ABCA13: variants seen among roughly 807,000 people sequenced by gnomAD.
ABCA13 encodes the protein ATP binding cassette subfamily A member 13, also known as ATP-binding cassette sub-family A member 13.
In ABCA13, 476 loss-of-function variants were observed where a neutral mutation model predicts 478.7. The ratio of observed to expected loss-of-function variants is 0.99; its 90% CI spans 0.92 to 1.07. The LOEUF (loss-of-function observed/expected upper bound fraction) is 1.07. ABCA13 is among the 50% of genes least tolerant of loss of function. ABCA13 has a pLI of 0.00. For missense variants in ABCA13, 6,060 were observed against 5,910.6 expected, an observed-to-expected ratio of 1.03 and a Z score of -0.83; for synonymous variants, 2,252 against 2,158.9, an observed-to-expected ratio of 1.04 and a Z score of -1.20.
At chr7:48,381,114 C>G (rs1814302222) in intron 35 of ABCA13, among the ~76,000 whole-genome samples, 1 of 152,212 alleles carries the variant, frequency 6.6e-6, no homozygotes, top group Non-Finnish European at 1.5e-5. Context: ...CTGACTGACA[C>G]TGGTGCTTCC....
At chr7:48,191,697 C>T (rs1797130144) in intron 1 of ABCA13, among the ~76,000 whole-genome samples, 1 of 152,116 alleles carries the variant, frequency 6.6e-6, no homozygotes, top group Non-Finnish European at 1.5e-5. Context: ...TGTGAGCCAC[C>T]GTGCCCGGCC....
At chr7:48,220,336 C>T (rs1787184439) in intron 4 of ABCA13, among the ~76,000 whole-genome samples, 1 of 152,056 alleles carries the variant, frequency 6.6e-6, no homozygotes, top group African/African-American at 2.4e-5. Context: ...ATATGTATGT[C>T]CCAAGTGTTA....
chr7:48,633,845 C>A (rs1359534153), intron 59 of ABCA13, among the ~76,000 whole-genome samples: 3 of 151,992 alleles, frequency 2.0e-5, no homozygotes, highest in Non-Finnish European at 2.9e-5. Context: ...GCCAAGATTG[C>A]ACTGCTGCAC....
intron 42 of ABCA13, among the ~76,000 whole-genome samples, chr7:48,431,387 C>A (rs977451907): frequency 2.1e-5 from 3 of 142,514 alleles, no homozygotes; most frequent in African/African-American, 5.1e-5. Context: ...ACAACAACAA[C>A]AAATCTCTTT....
intron 15 of ABCA13, among the ~76,000 whole-genome samples, chr7:48,268,700 C>A (rs140175865): frequency 3.2e-4 from 49 of 152,074 alleles, no homozygotes; most frequent in African/African-American, 1.1e-3. Flanking sequence ...ATGGCCTGGA[C>A]TCCCTTAAAG....
chr7:48,617,012 TGACA>T (rs113663493), intron 59 of ABCA13, among the ~76,000 whole-genome samples: 7 of 152,276 alleles, frequency 4.6e-5, no homozygotes, highest in African/African-American at 1.7e-4. Flanking sequence ...CCAGCCTGCG[TGACA>T]GAGTCAGAAA....
chr7:48,570,234 C>T (rs1171305021), intron 55 of ABCA13, among the ~76,000 whole-genome samples: 1 of 148,760 alleles, frequency 6.7e-6, no homozygotes, highest in South Asian at 2.1e-4. Context: ...ACAATATTTT[C>T]TTCAAGTCTA....
At chr7:48,223,958 C>CAAA (rs1197606657) in intron 5 of ABCA13, among the ~76,000 whole-genome samples, 2 of 78,616 alleles carry the variant, frequency 2.5e-5, no homozygotes, top group African/African-American at 7.7e-5. Flanking sequence ...GACTCGGTCT[C>CAAA]AAAAAAAAAA....
intron 43 of ABCA13, among the ~76,000 whole-genome samples, chr7:48,464,108 G>T (rs1826603437): frequency 1.3e-5 from 2 of 152,182 alleles, no homozygotes; most frequent in South Asian, 4.1e-4. Context: ...AGAATCATAG[G>T]TAGTAATTTT....
intron 59 of ABCA13, among the ~76,000 whole-genome samples, chr7:48,628,633 G>A (rs990460044): frequency 6.6e-6 from 1 of 152,110 alleles, no homozygotes; most frequent in Non-Finnish European, 1.5e-5. Context: ...ATTAAATATA[G>A]CATTAATTTA....
At chr7:48,544,735 A>G (rs1784663723) in intron 55 of ABCA13, among the ~76,000 whole-genome samples, 1 of 151,860 alleles carries the variant, frequency 6.6e-6, no homozygotes, top group Non-Finnish European at 1.5e-5. Context: ...GAGCCATTCT[A>G]GCAAATTAAT....
At chr7:48,622,492 T>C (rs537648165) in intron 59 of ABCA13, among the ~76,000 whole-genome samples, 1 of 152,242 alleles carries the variant, frequency 6.6e-6, no homozygotes, top group African/African-American at 2.4e-5. Context: ...ATCTGTAGAG[T>C]GTGTCCTAAC....
chr7:48,303,099 A>AT (rs1187678704), intron 23 of ABCA13, among the ~76,000 whole-genome samples: 5 of 151,684 alleles, frequency 3.3e-5, no homozygotes, highest in African/African-American at 1.2e-4. Context: ...TAATATTGAG[A>AT]TTTTTTTCAT....
intron 15 of ABCA13, among the ~76,000 whole-genome samples, chr7:48,256,487 A>T (rs1470695428): frequency 1.3e-5 from 2 of 152,130 alleles, no homozygotes; most frequent in African/African-American, 2.4e-5. Flanking sequence ...GAGATGAGAA[A>T]GGGATCCAGC....
chr7:48,353,618 C>T (rs957385315), intron 31 of ABCA13, among the ~76,000 whole-genome samples: 13 of 151,692 alleles, frequency 8.6e-5, no homozygotes, highest in South Asian at 6.2e-4. Context: ...GCGACACACA[C>T]GTGAGGATAG....
chr7:48,422,971 T>C (rs919326834), intron 41 of ABCA13, among the ~76,000 whole-genome samples: 1 of 152,224 alleles, frequency 6.6e-6, no homozygotes, highest in Non-Finnish European at 1.5e-5. Context: ...ATATTATCCC[T>C]TGATTTTAGC....
intron 42 of ABCA13, among the ~76,000 whole-genome samples, chr7:48,451,318 G>C (rs891829810): frequency 6.6e-6 from 1 of 151,904 alleles, no homozygotes; most frequent in Non-Finnish European, 1.5e-5. Context: ...AAATCACCTG[G>C]TTTATGTATG....
chr7:48,391,939 C>G lies in ABCA13; in HGVS notation c.11673C>G (p.Leu3891=), dbSNP rs1244731317. 1 of 1,613,856 alleles carries G rather than the reference C, an allele frequency of 6.2e-7. No individual in the cohort carries two copies. Among genetic ancestry groups the G allele is most frequent in the South Asian group, 1.1e-5 (1 of 91,054 alleles). Residue 3891 remains leucine, a synonymous_variant, in exon 38 of 62, where the codon CTC becomes CTG. Coordinates refer to ENST00000435803, the MANE Select transcript of ABCA13 (RefSeq NM_152701.5). ...KTTIISMLTG[L]HPPTSGTIII... ...CTGGCAGATCCATGTTGACGGGGCT[C>G]CACCCTCCCACTTCTGGAACCATCA...
intron 27 of ABCA13, among the ~76,000 whole-genome samples, chr7:48,333,421 C>T (rs1027253913): frequency 3.3e-5 from 5 of 152,106 alleles, no homozygotes; most frequent in Non-Finnish European, 7.4e-5. Context: ...CCAGGTTATT[C>T]CAATATCTGA....
Sources: gnomAD v4.1 joint callset for allele counts (sites outside exome capture counted in the v4.1 genomes callset) on GRCh38, gnomAD v4.1.1 for gene constraint, MANE v1.5 for transcripts, NCBI Gene and HGNC (gene_info 2026-07-23, HGNC 2026-07-21) for gene names.